Variants in NLRX1 observed in about 807,000 individuals in gnomAD.
The protein encoded by NLRX1 is NLR family member X1.
A neutral mutation model predicts 74.2 loss-of-function variants in NLRX1; 67 were observed. The observed-to-expected ratio is 0.90, with a 90% CI of 0.74 to 1.11. NLRX1 has a LOEUF of 1.11. NLRX1 is among the 50% of genes least tolerant of loss of function. The pLI is 0.00. For missense variants in NLRX1, 1,191 were observed against 1,305.4 expected (o/e 0.91, Z 1.35); for synonymous variants, 506 against 559.1 (o/e 0.91, Z 1.34).
chr11:119,183,949 G>A lies in NLRX1; in HGVS notation c.*510G>A. ...CCCCCTTTGCCACAATGGTATGATG[G>A]CTTGGTAGCCCCTCGAGGCAGATGC... is the stretch of plus-strand genomic sequence containing the variant. On this transcript the variant is annotated 3_prime_UTR_variant, in exon 10 of 10. Transcript: ENST00000409109. This position sits in a 1 kb window ranked among gnomAD's most constrained non-coding sequence, Gnocchi z 5.7. 2.6e-6 allele frequency: 2 copies of A among 777,232 alleles called. No homozygotes were observed. Among genetic ancestry groups the A allele is most frequent in the Non-Finnish European group, 4.8e-6 (2 of 415,428 alleles). 48.1% of individuals were successfully genotyped at this position (777,232 alleles called of 1,614,324 possible).
intron 5 of NLRX1, 91 bp downstream of exon 5, chr11:119,174,189 C>G: frequency 1.3e-6 from 2 of 1,483,304 alleles, no homozygotes; most frequent in South Asian, 2.6e-5. Context: ...CCTTCACTTC[C>G]CAGTGGTGCG....
Position 119,173,064 on chromosome 11 carries a change from G to A in NLRX1, c.229+75G>A. The A allele has an allele frequency of 8.7e-7, 1 of 1,144,278 alleles. No homozygotes were observed. 70.9% of individuals were successfully genotyped at this position (1,144,278 alleles called of 1,614,324 possible). Reference sequence around the variant, plus strand: ...GGCTGGAAGGAGAAGCAGGGTGAGGGAGGCATAGAGGATCCACTGCCATCT... The same window carrying A: ...GGCTGGAAGGAGAAGCAGGGTGAGGAAGGCATAGAGGATCCACTGCCATCT... On this transcript the variant is annotated intron_variant, in intron 4 of 9. Transcript: ENST00000409109. This position sits in a 1 kb window ranked among gnomAD's most constrained non-coding sequence, Gnocchi z 4.0.
Position 119,180,297 on chromosome 11 carries a change from C to T in NLRX1, c.2267+9C>T. On this transcript the variant is annotated intron_variant, in intron 7 of 9. Coordinates refer to ENST00000409109, the MANE Select transcript of NLRX1 (RefSeq NM_001282144.2). ...CGTGCCCGGAAGCTGGGGTGAGGAC[C>T]TATCCTCATGCACAGGCATGAAGAG... 6.4e-7 allele frequency: 1 copy of T among 1,556,576 alleles called. No individual in the cohort carries two copies. The highest frequency in any genetic ancestry group is 8.7e-7 in the Non-Finnish European group (1 of 1,143,116).
Position 119,183,562 on chromosome 11 carries a change from C to A in NLRX1, c.*123C>A. The A allele has an allele frequency of 1.0e-6, 1 of 988,650 alleles. No homozygotes were observed. Among genetic ancestry groups the A allele is most frequent in the South Asian group, 1.4e-5 (1 of 71,812 alleles). The allele number at this position is 988,650 out of a possible 1,614,324, so 61.2% of individuals were successfully genotyped here. On this transcript the variant is annotated 3_prime_UTR_variant, in exon 10 of 10. Coordinates refer to ENST00000409109, the MANE Select transcript of NLRX1 (RefSeq NM_001282144.2). The surrounding 1 kb of genome is among the most constrained non-coding windows in gnomAD (Gnocchi z 5.7). ...TCAGGTCTGGAGGCAGAGGAATGGG[C>A]ATAGCTGAGCCAGTTGCCCTCCTAG... is the stretch of plus-strand genomic sequence containing the variant.
chr11:119,179,632 A>G, intron 6 of NLRX1, 61 bp from the exon 7 acceptor site: 1 of 1,454,946 alleles, frequency 6.9e-7, no homozygotes, highest in African/African-American at 1.4e-5. Context: ...CTTAAGCTGA[A>G]CCTTGAAGGC....
Position 119,174,486 on chromosome 11 carries a change from A to G in NLRX1, c.883A>G (p.Ile295Val). The G allele has an allele frequency of 1.9e-6, 3 of 1,614,170 alleles. No homozygotes were observed. The highest frequency in any genetic ancestry group is 2.5e-6 in the Non-Finnish European group (3 of 1,180,016). ...SILVTTRPSA[I>V]GRIPSKYVGR... Reference sequence around the variant, plus strand: ...TCTGGTGACCACTCGGCCCTCTGCCATTGGCCGTATCCCCAGCAAGTACGT... The same window carrying G: ...TCTGGTGACCACTCGGCCCTCTGCCGTTGGCCGTATCCCCAGCAAGTACGT... The change falls in exon 6 of 10, where the codon ATT becomes GTT. Residue 295 changes from isoleucine (I) to valine (V), a missense_variant. Coordinates refer to ENST00000409109, the MANE Select transcript of NLRX1 (RefSeq NM_001282144.2).
intron 7 of NLRX1, among the ~76,000 whole-genome samples, chr11:119,180,590 A>G (rs1948812290): frequency 6.6e-6 from 1 of 151,792 alleles, no homozygotes. Flanking sequence ...AATCCCAGCT[A>G]CTTGGGAGGC....
At chr11:119,179,224 C>T (rs1189965473) in intron 6 of NLRX1, among the ~76,000 whole-genome samples, 2 of 152,186 alleles carry the variant, frequency 1.3e-5, no homozygotes, top group East Asian at 3.8e-4. Flanking sequence ...CTCACCACCT[C>T]CTGGGTTTGA....
At position 119,173,102 on chromosome 11, in the gene NLRX1, C is replaced by T. The variant is rs1948596963; in HGVS notation, c.229+113C>T. The T allele has an allele frequency of 2.5e-6, 2 of 787,480 alleles. No homozygotes were observed. Among genetic ancestry groups the T allele is most frequent in the East Asian group, 5.1e-5 (2 of 38,978 alleles). The allele number at this position is 787,480 out of a possible 1,614,324, so 48.8% of individuals were successfully genotyped here. ...TCCACTGCCATCTTCCATCGGTGGT[C>T]CCTCCTCCTCTCTCTCTCTCCCTCC... On this transcript the variant is annotated intron_variant, in intron 4 of 9. Transcript: ENST00000409109. The surrounding 1 kb of genome is among the most constrained non-coding windows in gnomAD (Gnocchi z 4.0).
chr11:119,173,755 G>A lies in NLRX1; in HGVS notation c.506G>A (p.Gly169Asp). 1.2e-6 allele frequency: 2 copies of A among 1,613,666 alleles called. No homozygotes were observed. The highest frequency in any genetic ancestry group is 1.1e-5 in the South Asian group (1 of 91,088). The change falls in exon 5 of 10, where the codon GGC becomes GAC. Residue 169 changes from glycine to aspartate, a missense_variant. By Grantham distance (94) the Gly-to-Asp change is moderately conservative. Transcript: ENST00000409109. This position sits in a 1 kb window ranked among gnomAD's most constrained non-coding sequence, Gnocchi z 4.0. ...VQTVVLYGTVGTGKSTLVRKM... is the reference protein window; with the variant it reads ...VQTVVLYGTVDTGKSTLVRKM... ...ACAGTGGTGCTGTATGGGACAGTGG[G>A]CACAGGCAAGAGCACGCTGGTGCGC...
intron 9 of NLRX1, among the ~76,000 whole-genome samples, 157 bp downstream of exon 9, chr11:119,182,502 C>A (rs958871859): frequency 6.6e-6 from 1 of 152,178 alleles, no homozygotes; most frequent in African/African-American, 2.4e-5. Context: ...TAGCTCTGAG[C>A]CAACCCACCC....
At chr11:119,172,687 G>A (rs551426776) in intron 3 of NLRX1, among the ~76,000 whole-genome samples, 10 of 152,328 alleles carry the variant, frequency 6.6e-5, no homozygotes, top group African/African-American at 2.2e-4. Flanking sequence ...TTCCAGGCGG[G>A]CAGTCAGCAG....
Position 119,172,399 on chromosome 11 carries a change from A to G in NLRX1, c.114A>G (p.Gln38=). Residue 38 remains glutamine, a synonymous_variant, in exon 3 of 10, where the codon CAA becomes CAG. Transcript: ENST00000409109. The part of the protein sequence containing the change: ...PFLIHWSWPL[Q]GERPFGPPRA... Reference sequence around the variant, plus strand: ...TGATCCACTGGAGTTGGCCCCTTCAAGGGGAGCGTCCCTTTGGGCCCCCTA... The same window carrying G: ...TGATCCACTGGAGTTGGCCCCTTCAGGGGGAGCGTCCCTTTGGGCCCCCTA... 2 of 1,613,836 alleles carry G rather than the reference A, an allele frequency of 1.2e-6. No homozygotes were observed. Among genetic ancestry groups the G allele is most frequent in the Non-Finnish European group, 1.7e-6 (2 of 1,179,734 alleles).
rs1013368909 is a variant in NLRX1 at position 119,169,259 on chromosome 11, C to T, written c.-92C>T. On this transcript the variant is annotated 5_prime_UTR_variant, in exon 1 of 10. Coordinates refer to ENST00000409109, the MANE Select transcript of NLRX1 (RefSeq NM_001282144.2). ...CGAAAGTAGGAGAGCTGTTTGGGACCCAGTTTGGTGGAGGAGCTCTGGACC... is the reference window on the plus strand; with the variant it reads ...CGAAAGTAGGAGAGCTGTTTGGGACTCAGTTTGGTGGAGGAGCTCTGGACC... The T allele has an allele frequency of 2.0e-5, 3 of 152,626 alleles. No homozygotes were observed. The highest frequency in any genetic ancestry group is 4.4e-5 in the Non-Finnish European group (3 of 68,428). 9.5% of individuals were successfully genotyped at this position (152,626 alleles called of 1,614,324 possible).
intron 6 of NLRX1, among the ~76,000 whole-genome samples, chr11:119,176,351 A>G (rs1467088709): frequency 6.6e-6 from 1 of 152,174 alleles, no homozygotes; most frequent in African/African-American, 2.4e-5. Context: ...GGGCTCAAGC[A>G]ATCCTCCCAC....
At chr11:119,182,449 T>A in intron 9 of NLRX1, 104 bp downstream of exon 9, 1 of 1,468,106 alleles carries the variant, frequency 6.8e-7, no homozygotes, top group Non-Finnish European at 9.2e-7. Context: ...CTGGGCCTGG[T>A]GCCTGTCCTT....
intron 1 of NLRX1, among the ~76,000 whole-genome samples, chr11:119,170,664 G>C (rs1021461770): frequency 2.6e-5 from 4 of 152,224 alleles, no homozygotes; most frequent in African/African-American, 9.6e-5. Context: ...ATCTGCGGAA[G>C]AAAGGCAGAG....
chr11:119,178,095 G>C (rs967430575), intron 6 of NLRX1: 1 of 152,142 alleles, frequency 6.6e-6, no homozygotes, highest in African/African-American at 2.4e-5. Flanking sequence ...TTGAGCCTAA[G>C]AGTTAAAGGC....
Position 119,172,919 on chromosome 11 carries a change from C to G in NLRX1, c.159C>G (p.His53Gln). 2 of 1,613,936 alleles carry G rather than the reference C, an allele frequency of 1.2e-6. No homozygotes were observed. Among genetic ancestry groups the G allele is most frequent in the East Asian group, 2.2e-5 (1 of 44,842 alleles). ...TTCCCAGGGCCTTTATACGCCACCA[C>G]GGAAGCTCGGTAGATAGCGCTCCCC... Reference protein sequence around the residue: ...FGPPRAFIRHHGSSVDSAPPP... With the variant: ...FGPPRAFIRHQGSSVDSAPPP... Residue 53 changes from histidine (H) to glutamine (Q), a missense_variant, in exon 4 of 10, where the codon CAC (histidine) becomes CAG (glutamine). Physicochemically the swap from His to Gln is conservative, Grantham distance 24. Transcript: ENST00000409109.
Sources: gnomAD v4.1 joint callset for allele counts (sites outside exome capture counted in the v4.1 genomes callset) on GRCh38, gnomAD v4.1.1 for gene constraint, Gnocchi (gnomAD v3.1) non-coding constraint, MANE v1.5 for transcripts, NCBI Gene and HGNC (gene_info 2026-07-23, HGNC 2026-07-21) for gene names.